The following RABGAP1L variants were observed in gnomAD, a reference collection of about 807,000 sequenced individuals.
The protein encoded by RABGAP1L is rab GTPase-activating protein 1-like.
A neutral mutation model predicts 137.7 loss-of-function variants in RABGAP1L; 63 were observed. The ratio of observed to expected loss-of-function variants is 0.46; its 90% CI spans 0.37 to 0.56. RABGAP1L has a LOEUF of 0.56. Ranked by LOEUF, RABGAP1L falls within the 20% of genes least tolerant of loss-of-function variation. The probability of loss-of-function intolerance (pLI) is 0.00; values close to 1 mark genes in which losing one functional copy is unlikely to be tolerated. For missense variants in RABGAP1L, 1,095 were observed against 1,244.0 expected (o/e 0.88, Z 1.80); for synonymous variants, 431 against 433.7 (o/e 0.99, Z 0.08).
rs185834955 is a variant in RABGAP1L at position 174,441,407 on chromosome 1, G to A, written c.1710+47262G>A. Among the ~76,000 whole-genome samples the A allele has an allele frequency of 4.5e-4, 69 of 152,086 alleles. 1 individual carries two copies. The highest frequency in any genetic ancestry group is 1.5e-3 in the East Asian group (8 of 5,166). On this transcript the variant is annotated intron_variant, in intron 13 of 25. Transcript: ENST00000681986. ...AATGTGTTCATATTATAATCCTATC[G>A]GAAAAAAGTATGGTAAGAAAGAAAA...
At chr1:174,916,797 C>T (rs567101680) in intron 19 of RABGAP1L, among the ~76,000 whole-genome samples, 59 of 152,282 alleles carry the variant, frequency 3.9e-4, no homozygotes, top group African/African-American at 1.4e-3. Flanking sequence ...TAGATGCAAA[C>T]AGCACTTGGA....
At chr1:174,492,550 G>T (rs2149356786) in intron 13 of RABGAP1L, among the ~76,000 whole-genome samples, 2 of 152,004 alleles carry the variant, frequency 1.3e-5, no homozygotes, top group East Asian at 3.9e-4. Context: ...GGGTTTCACT[G>T]TGTTAGCCAG....
chr1:174,162,141 G>A (rs1006120155), intron 1 of RABGAP1L, among the ~76,000 whole-genome samples: 12 of 151,082 alleles, frequency 7.9e-5, no homozygotes, highest in African/African-American at 2.9e-4. Context: ...TGATTTAGAT[G>A]TTTTCTTTTT....
At chr1:174,777,245 T>C (rs376815735) in intron 18 of RABGAP1L, among the ~76,000 whole-genome samples, 1 of 152,248 alleles carries the variant, frequency 6.6e-6, no homozygotes, top group South Asian at 2.1e-4. Flanking sequence ...CAGACCTTTA[T>C]GCATCTCAGC....
intron 16 of RABGAP1L, chr1:174,700,811 T>G (rs1572852610): frequency 9.6e-6 from 2 of 207,334 alleles, no homozygotes; most frequent in East Asian, 2.4e-4. Flanking sequence ...AGTAAATATT[T>G]GGGATTACTC....
intron 15 of RABGAP1L, among the ~76,000 whole-genome samples, chr1:174,684,449 A>C (rs968712624): frequency 5.3e-5 from 8 of 152,246 alleles, no homozygotes; most frequent in African/African-American, 1.9e-4. Context: ...ATCACAGTTT[A>C]CTATAGCAAT....
At chr1:174,813,397 A>G (rs373847010) in intron 19 of RABGAP1L, among the ~76,000 whole-genome samples, 17 of 152,314 alleles carry the variant, frequency 1.1e-4, no homozygotes, top group African/African-American at 3.8e-4. Flanking sequence ...CAACTAGGAG[A>G]TAAGAGTCAC....
chr1:174,963,112 A>AT lies in RABGAP1L; in HGVS notation c.2433+5571dup, dbSNP rs1203673020. ...AGACTCCGTCTCAAAAAAAAAAAAAATTTTTTTTCTGCCATAGCAAATAAA... is the reference window on the plus strand; with the variant it reads ...AGACTCCGTCTCAAAAAAAAAAAAAATTTTTTTTTCTGCCATAGCAAATAAA... On this transcript the variant is annotated intron_variant, in intron 20 of 25. Transcript: ENST00000681986. Among the ~76,000 whole-genome samples, 18 of 151,694 alleles carry AT rather than the reference A, an allele frequency of 1.2e-4. No homozygotes were observed. In the South Asian group the frequency reaches 1.5e-3, roughly 12 times the overall value.
At chr1:174,327,986 CATATATATATATATATATATATATATAT>C (rs3057021) in intron 11 of RABGAP1L, among the ~76,000 whole-genome samples, 1 of 53,630 alleles carries the variant, frequency 1.9e-5, no homozygotes, top group Admixed American at 2.2e-4. Flanking sequence ...TATACACACA[CATATATATATATATATATATATATATAT>C]ATATATATAT....
chr1:174,798,275 C>T (rs1438662011), intron 18 of RABGAP1L, among the ~76,000 whole-genome samples: 3 of 149,106 alleles, frequency 2.0e-5, no homozygotes, highest in East Asian at 2.0e-4. Flanking sequence ...GGTGTGGTGG[C>T]GGGCGCTTGT....
At chr1:174,242,968 G>A (rs1366948896) in intron 5 of RABGAP1L, 1 of 152,108 alleles carries the variant, frequency 6.6e-6, no homozygotes, top group Non-Finnish European at 1.5e-5. Context: ...TGATCCTTAC[G>A]AACTCCACTA....
chr1:174,166,668 G>T (rs1196064004), intron 1 of RABGAP1L, among the ~76,000 whole-genome samples: 3 of 152,220 alleles, frequency 2.0e-5, no homozygotes, highest in Non-Finnish European at 2.9e-5. Flanking sequence ...AGTACTGGTG[G>T]CAGTTCTCAA....
At chr1:174,604,719 A>G (rs1056608604) in intron 13 of RABGAP1L, among the ~76,000 whole-genome samples, 8 of 152,240 alleles carry the variant, frequency 5.3e-5, no homozygotes, top group African/African-American at 1.4e-4. Context: ...TACCATGTCA[A>G]TGCCATCTTT....
chr1:174,286,589 A>T (rs1005786191), intron 10 of RABGAP1L, among the ~76,000 whole-genome samples: 1 of 151,522 alleles, frequency 6.6e-6, no homozygotes, highest in Non-Finnish European at 1.5e-5. Context: ...TATTTTTTCC[A>T]TATGCTAATT....
intron 19 of RABGAP1L, among the ~76,000 whole-genome samples, chr1:174,833,368 TTGTGTGTGTGTG>T (rs71117578): frequency 4.1e-4 from 44 of 108,516 alleles, no homozygotes; most frequent in African/African-American, 7.0e-4. Flanking sequence ...ACCAGCTAAT[TTGTGTGTGTGTG>T]TGTGTGTGTG....
At chr1:174,807,275 A>G (rs1689400876) in intron 18 of RABGAP1L, among the ~76,000 whole-genome samples, 1 of 152,214 alleles carries the variant, frequency 6.6e-6, no homozygotes, top group African/African-American at 2.4e-5. Flanking sequence ...GGCCATGAAT[A>G]TGTAATCAAG....
chr1:174,362,686 A>G (rs1284509681), intron 11 of RABGAP1L, among the ~76,000 whole-genome samples: 2 of 152,188 alleles, frequency 1.3e-5, no homozygotes, highest in Non-Finnish European at 2.9e-5. Context: ...GACTTTTGTC[A>G]GATGCATAAA....
intron 14 of RABGAP1L, among the ~76,000 whole-genome samples, chr1:174,662,046 A>G (rs763594783): frequency 1.3e-5 from 2 of 151,536 alleles, no homozygotes; most frequent in African/African-American, 2.4e-5. Context: ...TAAAATAACC[A>G]TAAAACAGCC....
chr1:174,674,072 T>C (rs1165572182), intron 14 of RABGAP1L, among the ~76,000 whole-genome samples: 4 of 150,580 alleles, frequency 2.7e-5, no homozygotes, highest in South Asian at 2.1e-4. Flanking sequence ...TTTTTTTTTT[T>C]CTTTTTTTTT....
Sources: allele counts gnomAD v4.1 joint callset (sites outside exome capture counted in the v4.1 genomes callset), GRCh38; gene constraint gnomAD v4.1.1; transcripts MANE v1.5; gene names NCBI Gene and HGNC (gene_info 2026-07-23, HGNC 2026-07-21).